Variants in BCAS1 observed in about 807,000 individuals in gnomAD.
The protein encoded by BCAS1 is breast carcinoma-amplified sequence 1.
Under a neutral mutation model 65.4 loss-of-function variants are expected in BCAS1, and 46 were observed. The observed-to-expected ratio is 0.70, with a 90% CI of 0.55 to 0.90. The LOEUF (loss-of-function observed/expected upper bound fraction) is 0.90, where lower values mean the gene tolerates loss of function less well. Among genes scored for constraint, BCAS1 ranks in the 40% least tolerant of loss-of-function variants. BCAS1 has a pLI of 0.00. For synonymous variants in BCAS1, 298 were observed against 293.5 expected, an observed-to-expected ratio of 1.02 and a Z score of -0.16; for missense variants, 793 against 771.2, an observed-to-expected ratio of 1.03 and a Z score of -0.33.
Position 54,028,400 on chromosome 20 carries a change from C to T in BCAS1, c.715G>A (p.Ala239Thr). 2.5e-6 allele frequency: 4 copies of T among 1,614,226 alleles called. No homozygotes were observed. The Admixed American group carries it at 6.7e-5, about 27-fold the overall frequency. Reference sequence around the variant, plus strand: ...CACCTTGGCACACTTACCTTCCCTGCAGGGACATCATCGGACTGCCCTGAT... The same window carrying T: ...CACCTTGGCACACTTACCTTCCCTGTAGGGACATCATCGGACTGCCCTGAT... Reference protein sequence around the residue: ...GLSGQSDDVPAGKDIVDGKEK... With the variant: ...GLSGQSDDVPTGKDIVDGKEK... The change falls in exon 4 of 13, where the codon GCA becomes ACA. Residue 239 changes from alanine to threonine, a missense_variant. Ala to Thr is a moderately conservative substitution (Grantham distance 58). Transcript: ENST00000688948.
In BCAS1 at chr20:54,021,613, G is replaced by C. The variant is rs796211145; in HGVS notation, c.723+6779C>G. Among the ~76,000 whole-genome samples the C allele has an allele frequency of 4.0e-5, 6 of 151,700 alleles. No homozygotes were observed. The South Asian group carries it at 1.3e-3, about 32-fold the overall frequency. ...GATGGAGCTGGAAGCCATTATCTTT[G>C]GCAAACTAACGCAGGAACAGAGAAC... is the stretch of plus-strand genomic sequence containing the variant. On this transcript the variant is annotated intron_variant, in intron 4 of 12. Coordinates refer to ENST00000688948, the MANE Select transcript of BCAS1 (RefSeq NM_001366298.2).
At chr20:53,965,902 A>G (rs1443347102) in intron 10 of BCAS1, among the ~76,000 whole-genome samples, 1 of 152,224 alleles carries the variant, frequency 6.6e-6, no homozygotes, top group African/African-American at 2.4e-5. Flanking sequence ...GTAAGCAATA[A>G]TAGTAACTTC....
At chr20:54,044,837 C>CAAA (rs74179262) in intron 3 of BCAS1, among the ~76,000 whole-genome samples, 3 of 132,792 alleles carry the variant, frequency 2.3e-5, no homozygotes, top group Non-Finnish European at 1.6e-5. Context: ...GACTCTGTCT[C>CAAA]AAAAAAAAAA....
At chr20:53,999,147 G>C (rs938750525) in intron 4 of BCAS1, among the ~76,000 whole-genome samples, 11 of 152,288 alleles carry the variant, frequency 7.2e-5, no homozygotes, top group Middle Eastern at 3.4e-3. Context: ...GGAAAACCAA[G>C]ATCCTCATAG....
intron 4 of BCAS1, among the ~76,000 whole-genome samples, chr20:54,007,987 A>C (rs574622693): frequency 1.4e-4 from 21 of 152,320 alleles, no homozygotes; most frequent in African/African-American, 5.1e-4. Context: ...GAAATTAGCA[A>C]CCTGGAAACA....
chr20:53,944,948 T>C lies in BCAS1; in HGVS notation c.1864A>G (p.Ile622Val). Residue 622 changes from isoleucine to valine, a missense_variant, in exon 13 of 13, where the codon ATC becomes GTC. Ile to Val is a conservative substitution (Grantham distance 29). Coordinates refer to ENST00000688948, the MANE Select transcript of BCAS1 (RefSeq NM_001366298.2). ...DAQVQTDPVS[I>V]GPVGKSK ...TACTTGGATTTGCCAACTGGTCCGATGGATACTGGGTCTGTTTGCACTTGA... is the reference window on the plus strand; with the variant it reads ...TACTTGGATTTGCCAACTGGTCCGACGGATACTGGGTCTGTTTGCACTTGA... 1 of 1,614,116 alleles carries C rather than the reference T, an allele frequency of 6.2e-7. No individual in the cohort carries two copies. Among genetic ancestry groups the C allele is most frequent in the Non-Finnish European group, 8.5e-7 (1 of 1,179,996 alleles).
At chr20:54,034,287 A>G (rs1006607977) in intron 3 of BCAS1, among the ~76,000 whole-genome samples, 17 of 151,358 alleles carry the variant, frequency 1.1e-4, no homozygotes, top group African/African-American at 3.6e-4. Context: ...GGCCAGGGCA[A>G]TCGGGCAAGA....
chr20:54,053,501 G>A (rs777746357), intron 3 of BCAS1, among the ~76,000 whole-genome samples: 9 of 152,240 alleles, frequency 5.9e-5, no homozygotes, highest in Non-Finnish European at 1.2e-4. Flanking sequence ...ATGTAGGAAA[G>A]ACTAGTTTTA....
intron 8 of BCAS1, among the ~76,000 whole-genome samples, chr20:53,979,665 T>C (rs2090428233): frequency 6.6e-6 from 1 of 152,202 alleles, no homozygotes; most frequent in African/African-American, 2.4e-5. Context: ...GACCACCCAG[T>C]AGGGACATAT....
chr20:54,040,475 C>G (rs1255568137), intron 3 of BCAS1, among the ~76,000 whole-genome samples: 2 of 151,166 alleles, frequency 1.3e-5, no homozygotes, highest in East Asian at 3.9e-4. Context: ...CTTTGAGACT[C>G]TGGAAAAATT....
chr20:53,958,694 G>C (rs2089779227), intron 10 of BCAS1, among the ~76,000 whole-genome samples: 1 of 152,112 alleles, frequency 6.6e-6, no homozygotes, highest in Non-Finnish European at 1.5e-5. Context: ...CTAAGTGCTG[G>C]GCATTGTGCT....
intron 3 of BCAS1, among the ~76,000 whole-genome samples, chr20:54,055,997 A>T (rs6097749): frequency 0.19 from 29,021 of 152,196 alleles, 2,936 homozygotes; most frequent in East Asian, 0.36. Flanking sequence ...AGTTGAATTC[A>T]TAGAAGCAGA....
At chr20:53,981,819 TGC>T (rs1055053114) in intron 8 of BCAS1, among the ~76,000 whole-genome samples, 14 of 111,572 alleles carry the variant, frequency 1.3e-4, no homozygotes, top group Non-Finnish European at 1.9e-4. Flanking sequence ...TACATGTGCG[TGC>T]GTGTGTGTGT....
chr20:54,045,802 C>A (rs1215907241), intron 3 of BCAS1, among the ~76,000 whole-genome samples: 5 of 152,230 alleles, frequency 3.3e-5, no homozygotes, highest in African/African-American at 1.2e-4. Context: ...GCTTTGTCAT[C>A]AAAACACTAA....
chr20:54,032,934 A>C (rs1186798624), intron 3 of BCAS1, among the ~76,000 whole-genome samples: 1 of 151,066 alleles, frequency 6.6e-6, no homozygotes, highest in African/African-American at 2.4e-5. Flanking sequence ...AAATTAACAA[A>C]GATATTCAAG....
At chr20:53,985,058 CT>C (rs1039953880) in intron 8 of BCAS1, among the ~76,000 whole-genome samples, 4 of 152,162 alleles carry the variant, frequency 2.6e-5, no homozygotes, top group Non-Finnish European at 4.4e-5. Context: ...AAAAATTCTA[CT>C]TGTTCATTTC....
chr20:54,058,409 G>C (rs893951657), intron 2 of BCAS1, among the ~76,000 whole-genome samples: 1 of 152,046 alleles, frequency 6.6e-6, no homozygotes, highest in East Asian at 1.9e-4. Flanking sequence ...AGGAAGCTCT[G>C]ACCCGTCGCA....
At chr20:54,022,154 G>A (rs2091574141) in intron 4 of BCAS1, among the ~76,000 whole-genome samples, 1 of 152,188 alleles carries the variant, frequency 6.6e-6, no homozygotes, top group Admixed American at 6.5e-5. Flanking sequence ...CACCAGTAGA[G>A]AAAGACTGAG....
chr20:54,016,174 G>A (rs1023624180), intron 4 of BCAS1, among the ~76,000 whole-genome samples: 7 of 151,992 alleles, frequency 4.6e-5, no homozygotes, highest in Non-Finnish European at 7.4e-5. Context: ...TGTCACCCTC[G>A]TTTACGGTGT....
Sources: gnomAD v4.1 joint callset for allele counts (sites outside exome capture counted in the v4.1 genomes callset) on GRCh38, gnomAD v4.1.1 for gene constraint, MANE v1.5 for transcripts, NCBI Gene and HGNC (gene_info 2026-07-23, HGNC 2026-07-21) for gene names.